Variants in ZNF567 observed in about 807,000 individuals in gnomAD.
ZNF567 encodes zinc finger protein 567.
In ZNF567, 36 loss-of-function variants were observed where a neutral mutation model predicts 53.9. The observed-to-expected ratio is 0.67, with a 90% confidence interval of 0.51 to 0.88. The LOEUF (loss-of-function observed/expected upper bound fraction) is 0.88, where lower values mean the gene tolerates loss of function less well. Ranked by LOEUF, ZNF567 falls within the 40% of genes least tolerant of loss-of-function variation. The pLI is 0.00. For synonymous variants in ZNF567, 224 were observed against 260.4 expected, an observed-to-expected ratio of 0.86 and a Z score of 1.35; for missense variants, 619 against 764.7, an observed-to-expected ratio of 0.81 and a Z score of 2.25.
chr19:36,699,237 A>G (rs1437443064), intron 3 of ZNF567, among the ~76,000 whole-genome samples: 2 of 152,038 alleles, frequency 1.3e-5, no homozygotes, highest in Non-Finnish European at 2.9e-5. Flanking sequence ...GTTGTAGATA[A>G]GTGGCATTAT....
chr19:36,693,221 C>A (rs901506687), intron 2 of ZNF567, among the ~76,000 whole-genome samples: 1 of 152,012 alleles, frequency 6.6e-6, no homozygotes, highest in Non-Finnish European at 1.5e-5. Context: ...CCAGTGAGGC[C>A]GACGCTGCAA....
At chr19:36,702,986 A>G (rs1457135621) in intron 3 of ZNF567, among the ~76,000 whole-genome samples, 1 of 152,098 alleles carries the variant, frequency 6.6e-6, no homozygotes, top group Non-Finnish European at 1.5e-5. Flanking sequence ...GTTCCTTTGG[A>G]GGAGGAGAGG....
chr19:36,713,258 C>A (rs907011237), intron 5 of ZNF567, among the ~76,000 whole-genome samples: 5 of 151,990 alleles, frequency 3.3e-5, no homozygotes, highest in Admixed American at 6.5e-5. Flanking sequence ...AGTTTGCAAC[C>A]AGCCTGAGAA....
chr19:36,713,653 G>A (rs929086406), intron 5 of ZNF567, among the ~76,000 whole-genome samples: 1 of 151,216 alleles, frequency 6.6e-6, no homozygotes, highest in East Asian at 2.0e-4. Flanking sequence ...CACTCTCTCC[G>A]GCTGGGCACG....
At chr19:36,671,522 A>G in the ZNF567 span, among the ~76,000 whole-genome samples, 1 of 152,220 alleles carries the variant, frequency 6.6e-6, no homozygotes, top group East Asian at 1.9e-4. Flanking sequence ...ACTCCCCAAC[A>G]GGACCAGGCT....
chr19:36,725,148 G>T, downstream of ZNF567, among the ~76,000 whole-genome samples: 1 of 151,686 alleles, frequency 6.6e-6, no homozygotes, highest in South Asian at 2.1e-4. Flanking sequence ...CTAAAAATAT[G>T]GTATTTCTGT....
At position 36,719,500 on chromosome 19, in the gene ZNF567, G is replaced by C; in HGVS notation, c.776G>C (p.Gly259Ala). 6.2e-7 allele frequency: 1 copy of C among 1,613,084 alleles called. No homozygotes were observed. The highest frequency in any genetic ancestry group is 1.1e-5 in the South Asian group (1 of 90,726). ...IEKKHTCNEC[G>A]KSFCRKSVLI... ...AAAAAACATACATGCAATGAATGTG[G>C]GAAATCTTTCTGCAGGAAATCAGTA... is the stretch of plus-strand genomic sequence containing the variant. The change falls in exon 6 of 6, where the codon GGG (glycine) becomes GCG (alanine). Residue 259 changes from glycine to alanine, a missense_variant. Physicochemically the swap from Gly to Ala is moderately conservative, Grantham distance 60 (BLOSUM62 0). Transcript: ENST00000682579.
intron 3 of ZNF567, among the ~76,000 whole-genome samples, chr19:36,709,147 T>C (rs1168645539): frequency 1.3e-5 from 2 of 152,206 alleles, no homozygotes; most frequent in Non-Finnish European, 2.9e-5. Flanking sequence ...TTGTACAGAT[T>C]GTGAGCTAAG....
chr19:36,683,280 C>T (rs1568674425), upstream of ZNF567, among the ~76,000 whole-genome samples: 1 of 151,954 alleles, frequency 6.6e-6, no homozygotes, highest in Non-Finnish European at 1.5e-5. Context: ...CCATATTGCC[C>T]AGGCTGGTCT....
intron 3 of ZNF567, 43 bp from the exon 4 acceptor site, chr19:36,712,343 T>A: frequency 6.3e-7 from 1 of 1,592,680 alleles, no homozygotes; most frequent in East Asian, 2.3e-5. Flanking sequence ...CCACTGTACC[T>A]GGCTAAGTCC....
chr19:36,674,645 A>G, the ZNF567 span, among the ~76,000 whole-genome samples: 3 of 152,242 alleles, frequency 2.0e-5, no homozygotes, highest in Admixed American at 2.0e-4. Flanking sequence ...TTCCCTGGGC[A>G]GAATACCCAC....
At chr19:36,706,848 G>A (rs2039522991) in intron 3 of ZNF567, among the ~76,000 whole-genome samples, 1 of 148,954 alleles carries the variant, frequency 6.7e-6, no homozygotes, top group African/African-American at 2.5e-5. Context: ...TAGAGGTGGG[G>A]TCTCACTATG....
At chr19:36,682,774 A>C (rs1428498416), upstream of ZNF567, among the ~76,000 whole-genome samples, 1 of 150,846 alleles carries the variant, frequency 6.6e-6, no homozygotes, top group Non-Finnish European at 1.5e-5. Flanking sequence ...CGCCCAGCTA[A>C]TTTTTTGTAT....
chr19:36,694,998 T>G, intron 3 of ZNF567, 122 bp downstream of exon 3: 2 of 1,088,512 alleles, frequency 1.8e-6, no homozygotes, highest in South Asian at 1.6e-5. Flanking sequence ...AGAAAACTGG[T>G]CCTCACTTCT....
chr19:36,688,067 C>T (rs534940073), intron 1 of ZNF567, among the ~76,000 whole-genome samples: 28 of 151,982 alleles, frequency 1.8e-4, no homozygotes, highest in Admixed American at 1.4e-3. Context: ...TGATAGGGTC[C>T]CTGCGTGTCT....
At position 36,721,300 on chromosome 19, in the gene ZNF567, GTAA is replaced by G. The variant is rs1226170084; in HGVS notation, c.*639_*641del. ...ATATTTGTATTTTTTATACTTTTGT[GTAA>G]TAATAAAAATACTGCTGTAAATATT... On this transcript the variant is annotated 3_prime_UTR_variant, in exon 6 of 6. Coordinates refer to ENST00000682579, the MANE Select transcript of ZNF567 (RefSeq NM_001322917.1). 2 of 152,010 alleles carry G rather than the reference GTAA, an allele frequency of 1.3e-5. No individual in the cohort carries two copies. Among genetic ancestry groups the G allele is most frequent in the Non-Finnish European group, 2.9e-5 (2 of 68,004 alleles). 9.4% of individuals were successfully genotyped at this position (152,010 alleles called of 1,614,324 possible).
At chr19:36,695,928 G>T (rs903254441) in intron 3 of ZNF567, among the ~76,000 whole-genome samples, 3 of 152,158 alleles carry the variant, frequency 2.0e-5, no homozygotes, top group Non-Finnish European at 4.4e-5. Flanking sequence ...GTAGCAAGAA[G>T]TCTTGTGTTG....
Position 36,720,717 on chromosome 19 carries a change from A to C in ZNF567, c.*49A>C. ...TCTTTACAAGCTGTTGTAAACATTT[A>C]GTTTTAAAAAGAAAAGCATGCTGAA... On this transcript the variant is annotated 3_prime_UTR_variant, in exon 6 of 6. Transcript: ENST00000682579. 1.4e-6 allele frequency: 2 copies of C among 1,453,918 alleles called. No homozygotes were observed. Among genetic ancestry groups the C allele is most frequent in the Non-Finnish European group, 1.8e-6 (2 of 1,094,920 alleles). The allele number at this position is 1,453,918 out of a possible 1,614,324, so 90.1% of individuals were successfully genotyped here.
intron 2 of ZNF567, among the ~76,000 whole-genome samples, chr19:36,692,675 C>T (rs1018507868): frequency 1.3e-5 from 2 of 152,132 alleles, no homozygotes; most frequent in Non-Finnish European, 2.9e-5. Context: ...CTACTGTGCT[C>T]AACCAGTTTT....
Sources: allele counts gnomAD v4.1 joint callset (sites outside exome capture counted in the v4.1 genomes callset), GRCh38; gene constraint gnomAD v4.1.1; transcripts MANE v1.5; gene names NCBI Gene and HGNC (gene_info 2026-07-23, HGNC 2026-07-21).